Variants in PSMG2 observed in about 807,000 individuals in gnomAD.
PSMG2 encodes the protein CD40 ligand-activated specific transcript 3.
PSMG2 carries 21 observed loss-of-function variants against 31.5 expected under a neutral mutation model. The observed-to-expected ratio is 0.67, with a 90% CI of 0.47 to 0.96. The LOEUF (loss-of-function observed/expected upper bound fraction) is 0.96. Ranked by LOEUF, PSMG2 falls within the 40% of genes least tolerant of loss-of-function variation. The pLI is 0.00. For synonymous variants in PSMG2, 120 were observed against 110.4 expected, an observed-to-expected ratio of 1.09 and a Z score of -0.54; for missense variants, 318 against 321.2, an observed-to-expected ratio of 0.99 and a Z score of 0.08.
intron 5 of PSMG2, among the ~76,000 whole-genome samples, chr18:12,723,329 C>CAT (rs2040448063): frequency 6.6e-6 from 1 of 152,100 alleles, no homozygotes; most frequent in Non-Finnish European, 1.5e-5. Flanking sequence ...TCCATCTCAT[C>CAT]ACTAGCTTGA....
upstream of PSMG2, among the ~76,000 whole-genome samples, chr18:12,698,080 C>G (rs61550984): frequency 0.03 from 4,559 of 151,200 alleles, 171 homozygotes; most frequent in Admixed American, 0.071. Flanking sequence ...GAATTACATG[C>G]TTTATTGGAG....
intron 1 of PSMG2, among the ~76,000 whole-genome samples, chr18:12,690,373 G>A (rs1008676853): frequency 3.9e-5 from 6 of 152,026 alleles, no homozygotes; most frequent in Admixed American, 2.6e-4. Context: ...TTATATGAAA[G>A]CATCTGTATG....
intron 1 of PSMG2, among the ~76,000 whole-genome samples, chr18:12,675,551 AC>A (rs1425100606): frequency 1.3e-5 from 2 of 152,224 alleles, no homozygotes; most frequent in Non-Finnish European, 2.9e-5. Flanking sequence ...CTGAACATGT[AC>A]TCTATAAAAC....
At chr18:12,698,716 A>G (rs1400562146), upstream of PSMG2, 1 of 418,002 alleles carries the variant, frequency 2.4e-6, no homozygotes. Flanking sequence ...GCATAACACT[A>G]TGCACATAAT....
intron 3 of PSMG2, among the ~76,000 whole-genome samples, chr18:12,717,586 G>A (rs989786013): frequency 6.6e-6 from 1 of 152,200 alleles, no homozygotes; most frequent in Admixed American, 6.5e-5. Context: ...AAGAAAACCA[G>A]CATTTAATGA....
At chr18:12,681,974 C>T (rs1286060668) in intron 1 of PSMG2, among the ~76,000 whole-genome samples, 1 of 147,290 alleles carries the variant, frequency 6.8e-6, no homozygotes, top group Admixed American at 6.8e-5. Context: ...CCAGCCTGGA[C>T]AACAGAGTGA....
chr18:12,669,552 T>A (rs1431930311), intron 1 of PSMG2, among the ~76,000 whole-genome samples: 1 of 152,110 alleles, frequency 6.6e-6, no homozygotes, highest in Non-Finnish European at 1.5e-5. Flanking sequence ...TAAATAGACA[T>A]ATATAAAACT....
intron 1 of PSMG2, among the ~76,000 whole-genome samples, chr18:12,687,302 T>G (rs1010126221): frequency 2.0e-5 from 3 of 152,114 alleles, no homozygotes; most frequent in African/African-American, 7.2e-5. Flanking sequence ...CAGAACATCT[T>G]TTTCCAATAT....
At chr18:12,673,068 C>A in intron 1 of PSMG2, 1 of 1,011,996 alleles carries the variant, frequency 9.9e-7, no homozygotes, top group Non-Finnish European at 1.2e-6. Flanking sequence ...AAACTGAATG[C>A]ATTTTATATT....
upstream of PSMG2, among the ~76,000 whole-genome samples, chr18:12,702,000 G>A (rs1889129971): frequency 6.6e-6 from 1 of 152,070 alleles, no homozygotes; most frequent in Non-Finnish European, 1.5e-5. Context: ...GGTGGCGCGC[G>A]CCTGTAATCC....
intron 1 of PSMG2, among the ~76,000 whole-genome samples, chr18:12,664,485 G>C (rs1314502704): frequency 6.6e-6 from 1 of 151,908 alleles, no homozygotes; most frequent in South Asian, 2.1e-4. Context: ...GGGAGGCAGA[G>C]ATCGCAGTGA....
At chr18:12,672,935 G>A in intron 1 of PSMG2, 5 of 982,514 alleles carry the variant, frequency 5.1e-6, no homozygotes, top group Non-Finnish European at 6.0e-6. Flanking sequence ...CTGTCATGAG[G>A]TTAATTTCTC....
chr18:12,694,494 A>G (rs1242040516), intron 1 of PSMG2, among the ~76,000 whole-genome samples: 1 of 152,246 alleles, frequency 6.6e-6, no homozygotes, highest in Non-Finnish European at 1.5e-5. Flanking sequence ...AGACCCAGGA[A>G]GAAAGTAATT....
intron 1 of PSMG2, among the ~76,000 whole-genome samples, chr18:12,664,098 G>GT (rs2038755263): frequency 6.6e-6 from 1 of 151,982 alleles, no homozygotes; most frequent in South Asian, 2.1e-4. Context: ...CGGAGGGGCG[G>GT]TGGTTGCGGT....
intron 1 of PSMG2, among the ~76,000 whole-genome samples, chr18:12,689,501 CTT>C (rs1432568981): frequency 6.6e-6 from 1 of 152,208 alleles, no homozygotes; most frequent in African/African-American, 2.4e-5. Context: ...ACTTGACAAT[CTT>C]ATATGGTTAC....
intron 1 of PSMG2, among the ~76,000 whole-genome samples, chr18:12,668,734 CT>C (rs543253434): frequency 1.2e-3 from 119 of 96,730 alleles, no homozygotes; most frequent in African/African-American, 3.4e-3. Context: ...CACTTTATTC[CT>C]TTTTTTTTTT....
intron 3 of PSMG2, among the ~76,000 whole-genome samples, chr18:12,716,051 A>C (rs1413715230): frequency 2.0e-5 from 3 of 151,732 alleles, no homozygotes; most frequent in African/African-American, 4.8e-5. Context: ...TGCGGGGTTC[A>C]CCCATGTTGT....
intron 1 of PSMG2, among the ~76,000 whole-genome samples, chr18:12,659,957 T>C (rs2144931527): frequency 6.6e-6 from 1 of 152,298 alleles, no homozygotes; most frequent in South Asian, 2.1e-4. Context: ...CCTGTGTGGA[T>C]TTTGCAAATA....
intron 1 of PSMG2, among the ~76,000 whole-genome samples, chr18:12,688,338 C>T (rs1192382118): frequency 6.6e-6 from 1 of 151,124 alleles, no homozygotes; most frequent in Non-Finnish European, 1.5e-5. Context: ...CAATGAATTA[C>T]TACTATACTA....
Sources: allele counts gnomAD v4.1 joint callset (sites outside exome capture counted in the v4.1 genomes callset), GRCh38; gene constraint gnomAD v4.1.1; transcripts MANE v1.5; gene names NCBI Gene and HGNC (gene_info 2026-07-23, HGNC 2026-07-21).